Variants in WDPCP observed in about 807,000 individuals in gnomAD.
The protein encoded by WDPCP is WD repeat-containing and planar cell polarity effector protein fritz homolog.
WDPCP carries 71 observed loss-of-function variants against 93.1 expected under a neutral mutation model. The ratio of observed to expected loss-of-function variants is 0.76; its 90% CI spans 0.63 to 0.93. WDPCP has a LOEUF of 0.93. WDPCP is among the 40% of genes least tolerant of loss of function. The probability of loss-of-function intolerance (pLI) is 0.00; values close to 1 mark genes in which losing one functional copy is unlikely to be tolerated. For synonymous variants in WDPCP, 315 were observed against 315.0 expected, an observed-to-expected ratio of 1.00 and a Z score of 0.00; for missense variants, 844 against 887.4, an observed-to-expected ratio of 0.95 and a Z score of 0.62.
chr2:63,129,985 C>A (rs947615687), intron 17 of WDPCP, among the ~76,000 whole-genome samples: 4 of 152,088 alleles, frequency 2.6e-5, no homozygotes, highest in Non-Finnish European at 4.4e-5. Context: ...TGTTTTCAAT[C>A]TCTTGTTGGT....
At chr2:63,669,902 G>A (rs1448300661) in intron 2 of WDPCP, among the ~76,000 whole-genome samples, 2 of 152,058 alleles carry the variant, frequency 1.3e-5, no homozygotes, top group South Asian at 2.1e-4. Context: ...ATCCTGGTCT[G>A]CTACTTACCA....
chr2:63,635,171 C>A (rs1440905180), intron 3 of WDPCP, among the ~76,000 whole-genome samples: 2 of 151,880 alleles, frequency 1.3e-5, no homozygotes, highest in African/African-American at 4.8e-5. Context: ...AAGACTGGAA[C>A]ATGAAGAAAT....
chr2:63,360,881 C>G (rs1314624120), intron 12 of WDPCP, among the ~76,000 whole-genome samples: 1 of 152,186 alleles, frequency 6.6e-6, no homozygotes, highest in Non-Finnish European at 1.5e-5. Context: ...GCAAAACTAT[C>G]AGGATGACTA....
chr2:63,338,564 AAAAAAATATAT>A (rs1326356894), intron 12 of WDPCP, among the ~76,000 whole-genome samples: 2 of 23,362 alleles, frequency 8.6e-5, no homozygotes, highest in Non-Finnish European at 6.6e-5. Flanking sequence ...AAAAAAAAAA[AAAAAAATATAT>A]ATATATATAT....
chr2:63,535,007 A>G (rs371103673), intron 1 of WDPCP, among the ~76,000 whole-genome samples: 38 of 152,214 alleles, frequency 2.5e-4, no homozygotes, highest in African/African-American at 5.3e-4. Flanking sequence ...AGCAACTTCA[A>G]CAAAGTCTCA....
chr2:63,361,237 G>T (rs1690430258), intron 12 of WDPCP, among the ~76,000 whole-genome samples: 1 of 152,158 alleles, frequency 6.6e-6, no homozygotes, highest in Non-Finnish European at 1.5e-5. Context: ...GGGACTAGAT[G>T]AGAATATTCA....
At chr2:63,719,947 A>G (rs1669391377) in intron 2 of WDPCP, among the ~76,000 whole-genome samples, 1 of 152,148 alleles carries the variant, frequency 6.6e-6, no homozygotes, top group South Asian at 2.1e-4. Context: ...ATCTCTACTT[A>G]TATATGCACA....
At chr2:63,611,889 T>C (rs1480097468) in intron 3 of WDPCP, among the ~76,000 whole-genome samples, 2 of 152,224 alleles carry the variant, frequency 1.3e-5, no homozygotes, top group East Asian at 3.8e-4. Context: ...ATCAAACTCA[T>C]AGCCTGACCT....
intron 2 of WDPCP, among the ~76,000 whole-genome samples, chr2:63,727,147 G>A (rs112157200): frequency 6.6e-6 from 1 of 152,164 alleles, no homozygotes; most frequent in African/African-American, 2.4e-5. Flanking sequence ...GATGCTTTCA[G>A]CTTTTGCCCA....
chr2:63,332,577 G>T (rs572942042), intron 12 of WDPCP, among the ~76,000 whole-genome samples: 21 of 151,804 alleles, frequency 1.4e-4, no homozygotes, highest in African/African-American at 4.6e-4. Context: ...ATTTTTTATT[G>T]CGTTATCTTA....
chr2:63,483,336 T>C (rs964947327), intron 6 of WDPCP, among the ~76,000 whole-genome samples: 3 of 152,026 alleles, frequency 2.0e-5, no homozygotes, highest in African/African-American at 7.2e-5. Flanking sequence ...GATTGAAATG[T>C]ACTATTATGC....
intron 2 of WDPCP, among the ~76,000 whole-genome samples, chr2:63,802,000 G>A (rs991137223): frequency 7.9e-5 from 12 of 152,118 alleles, no homozygotes; most frequent in African/African-American, 2.7e-4. Context: ...TCAAGAGGAA[G>A]GTTAGTAAGC....
intron 12 of WDPCP, among the ~76,000 whole-genome samples, chr2:63,320,491 G>A (rs1376334853): frequency 1.3e-5 from 2 of 152,148 alleles, no homozygotes; most frequent in African/African-American, 4.8e-5. Context: ...TTTTGTGAGG[G>A]TTGTAACATG....
chr2:63,173,160 A>G (rs1178704077), intron 15 of WDPCP, among the ~76,000 whole-genome samples: 1 of 151,454 alleles, frequency 6.6e-6, no homozygotes, highest in Non-Finnish European at 1.5e-5. Context: ...CCCAGCTACT[A>G]TGGAGGGTGA....
At chr2:63,774,330 T>C (rs1205557230) in intron 2 of WDPCP, among the ~76,000 whole-genome samples, 1 of 152,170 alleles carries the variant, frequency 6.6e-6, no homozygotes, top group Non-Finnish European at 1.5e-5. Context: ...AGAATTTTTT[T>C]TGCTTTCATC....
intron 1 of WDPCP, among the ~76,000 whole-genome samples, chr2:63,564,908 G>C (rs192734572): frequency 6.6e-6 from 1 of 151,632 alleles, no homozygotes; most frequent in African/African-American, 2.4e-5. Context: ...CTCCCGAGTT[G>C]TCAGTATTAC....
intron 1 of WDPCP, among the ~76,000 whole-genome samples, chr2:63,563,246 T>G (rs1055637312): frequency 2.6e-5 from 4 of 151,966 alleles, no homozygotes; most frequent in African/African-American, 9.7e-5. Context: ...AGCAACACGA[T>G]CTCTTCTACT....
rs532820468 is a variant in WDPCP, at chr2:63,159,927, T to C, written c.2079-6353A>G. ...CAAGCTTTCATGTCTGCAATCTCCT[T>C]TGGTGCTTTCTGGATCCAGGAAGCT... On this transcript the variant is annotated intron_variant, in intron 15 of 17. Transcript: ENST00000272321. Among the ~76,000 whole-genome samples the C allele has an allele frequency of 2.6e-5, 4 of 152,298 alleles. No individual in the cohort carries two copies. The South Asian group carries it at 8.3e-4, about 32-fold the overall frequency.
intron 14 of WDPCP, among the ~76,000 whole-genome samples, chr2:63,198,616 G>A (rs1395010923): frequency 1.3e-5 from 2 of 152,152 alleles, no homozygotes. Context: ...CAGATTGTTT[G>A]AAAATGTGTG....
Sources: gnomAD v4.1 joint callset for allele counts (sites outside exome capture counted in the v4.1 genomes callset) on GRCh38, gnomAD v4.1.1 for gene constraint, MANE v1.5 for transcripts, NCBI Gene and HGNC (gene_info 2026-07-23, HGNC 2026-07-21) for gene names.